IMMP2L: variants seen among roughly 807,000 people sequenced by gnomAD.
IMMP2L encodes mitochondrial inner membrane protease subunit 2.
IMMP2L carries 18 observed loss-of-function variants against 19.3 expected under a neutral mutation model. That is an observed-to-expected ratio of 0.93 (90% CI 0.64 to 1.38). The LOEUF (loss-of-function observed/expected upper bound fraction) is 1.38. Ranked by LOEUF, IMMP2L falls within the 40% of genes most tolerant of loss-of-function variation. The probability of loss-of-function intolerance (pLI) is 0.00; values close to 1 mark genes in which losing one functional copy is unlikely to be tolerated. For synonymous variants in IMMP2L, 76 were observed against 73.0 expected, an observed-to-expected ratio of 1.04 and a Z score of -0.21; for missense variants, 233 against 218.2, an observed-to-expected ratio of 1.07 and a Z score of -0.43.
chr7:110,719,676 T>C (rs1207819035), intron 5 of IMMP2L, among the ~76,000 whole-genome samples: 2 of 152,210 alleles, frequency 1.3e-5, no homozygotes, highest in Non-Finnish European at 2.9e-5. Context: ...TTTGAAGGAA[T>C]CATCAAAGAA....
intron 5 of IMMP2L, among the ~76,000 whole-genome samples, chr7:110,675,811 G>A (rs1014390734): frequency 6.6e-6 from 1 of 152,080 alleles, no homozygotes; most frequent in Admixed American, 6.6e-5. Context: ...CCCAAATTAG[G>A]ACACTTAAGA....
intron 5 of IMMP2L, among the ~76,000 whole-genome samples, chr7:110,746,029 T>C (rs10272492): frequency 0.11 from 16,161 of 151,660 alleles, 1,941 homozygotes; most frequent in African/African-American, 0.3. Context: ...AAGACACACA[T>C]AGGCTCAAAA....
intron 3 of IMMP2L, among the ~76,000 whole-genome samples, chr7:111,048,006 G>A (rs542969714): frequency 9.2e-5 from 14 of 152,006 alleles, no homozygotes; most frequent in South Asian, 6.2e-4. Flanking sequence ...TTGGGAGGCC[G>A]AGGCAGGCAG....
intron 5 of IMMP2L, among the ~76,000 whole-genome samples, chr7:110,680,483 A>G (rs772749719): frequency 7.2e-5 from 11 of 152,274 alleles, no homozygotes; most frequent in Middle Eastern, 3.4e-3. Flanking sequence ...AATAAAGCAT[A>G]ATAAAAGGTA....
intron 3 of IMMP2L, among the ~76,000 whole-genome samples, chr7:111,393,492 A>C (rs1832584929): frequency 6.6e-6 from 1 of 152,066 alleles, no homozygotes; most frequent in Non-Finnish European, 1.5e-5. Flanking sequence ...ATTTTCAATT[A>C]AATTACTCTA....
intron 3 of IMMP2L, among the ~76,000 whole-genome samples, chr7:111,484,117 C>G (rs1459275529): frequency 6.6e-6 from 1 of 152,160 alleles, no homozygotes; most frequent in African/African-American, 2.4e-5. Flanking sequence ...CAGACAGCCT[C>G]AACCCTTCCT....
At chr7:111,493,871 G>A (rs1272086171) in intron 2 of IMMP2L, among the ~76,000 whole-genome samples, 3 of 151,036 alleles carry the variant, frequency 2.0e-5, no homozygotes, top group Non-Finnish European at 4.4e-5. Context: ...GTAGTGGTGG[G>A]CCGCTGTAGT....
intron 3 of IMMP2L, among the ~76,000 whole-genome samples, chr7:111,083,879 T>C (rs528049344): frequency 1.3e-5 from 2 of 152,360 alleles, no homozygotes; most frequent in Admixed American, 6.5e-5. Context: ...GGTTTGTGGA[T>C]AGCTCAAGGA....
chr7:111,198,754 G>A (rs945343001), intron 3 of IMMP2L, among the ~76,000 whole-genome samples: 21 of 151,918 alleles, frequency 1.4e-4, no homozygotes, highest in African/African-American at 4.4e-4. Context: ...ATTAGGACTC[G>A]TTCATTCTGG....
At chr7:111,486,976 A>G (rs907911515) in intron 3 of IMMP2L, among the ~76,000 whole-genome samples, 5 of 152,170 alleles carry the variant, frequency 3.3e-5, no homozygotes, top group African/African-American at 9.6e-5. Context: ...AAATGCATGT[A>G]TTTTTAATAA....
intron 3 of IMMP2L, among the ~76,000 whole-genome samples, chr7:111,470,757 G>A (rs1481880462): frequency 2.0e-5 from 3 of 149,224 alleles, no homozygotes. Context: ...GATAGCATTA[G>A]GAGATATACC....
chr7:111,153,282 G>A (rs1198765914), intron 3 of IMMP2L, among the ~76,000 whole-genome samples: 1 of 151,962 alleles, frequency 6.6e-6, no homozygotes, highest in Non-Finnish European at 1.5e-5. Context: ...TCAAAGCAAG[G>A]CCTTATACCT....
chr7:111,284,955 G>A (rs1463578895), intron 3 of IMMP2L, among the ~76,000 whole-genome samples: 1 of 152,120 alleles, frequency 6.6e-6, no homozygotes, highest in Non-Finnish European at 1.5e-5. Flanking sequence ...AAATTAATAT[G>A]TGCCATCAGT....
At chr7:110,911,240 T>C (rs567456250) in intron 4 of IMMP2L, among the ~76,000 whole-genome samples, 1 of 152,250 alleles carries the variant, frequency 6.6e-6, no homozygotes, top group East Asian at 1.9e-4. Flanking sequence ...CTATCTTGTA[T>C]AGTAAGAAGT....
chr7:110,693,318 A>T (rs555856626), intron 5 of IMMP2L, among the ~76,000 whole-genome samples: 2 of 152,314 alleles, frequency 1.3e-5, no homozygotes, highest in South Asian at 4.1e-4. Flanking sequence ...AGACACTATC[A>T]TCTTATACCA....
rs534667666 is a variant in IMMP2L at position 111,182,558 on chromosome 7, A to G, written c.240-218993T>C. On this transcript the variant is annotated intron_variant, in intron 3 of 5. Coordinates refer to ENST00000405709, the MANE Select transcript of IMMP2L (RefSeq NM_032549.4). Reference sequence around the variant, plus strand: ...ACTGAAAATGACAAAAAGGAAGACAATAAGATTGAAAAATGAGAATTAGAA... The same window carrying G: ...ACTGAAAATGACAAAAAGGAAGACAGTAAGATTGAAAAATGAGAATTAGAA... Among the ~76,000 whole-genome samples, 4 of 152,098 alleles carry G rather than the reference A, an allele frequency of 2.6e-5. No individual in the cohort carries two copies. The South Asian group carries it at 6.2e-4, about 24-fold the overall frequency.
chr7:110,848,435 C>A (rs1410064887), intron 5 of IMMP2L, among the ~76,000 whole-genome samples: 1 of 152,112 alleles, frequency 6.6e-6, no homozygotes, highest in African/African-American at 2.4e-5. Flanking sequence ...TGTGGAGCAA[C>A]AGGAAATCTC....
At chr7:111,234,154 C>A (rs1814029891) in intron 3 of IMMP2L, among the ~76,000 whole-genome samples, 1 of 151,854 alleles carries the variant, frequency 6.6e-6, no homozygotes, top group Non-Finnish European at 1.5e-5. Context: ...TTCCTTAATT[C>A]TTCTTTTATT....
chr7:110,988,978 T>C (rs1238790875), intron 3 of IMMP2L, among the ~76,000 whole-genome samples: 2 of 152,146 alleles, frequency 1.3e-5, no homozygotes, highest in Non-Finnish European at 2.9e-5. Flanking sequence ...GGCTCATGTC[T>C]GTAATGCCAG....
Sources: gnomAD v4.1 joint callset for allele counts (sites outside exome capture counted in the v4.1 genomes callset) on GRCh38, gnomAD v4.1.1 for gene constraint, MANE v1.5 for transcripts, NCBI Gene and HGNC (gene_info 2026-07-23, HGNC 2026-07-21) for gene names.